Variants in CAMK1D observed in about 807,000 individuals in gnomAD.
The protein encoded by CAMK1D is calcium/calmodulin dependent protein kinase ID, also known as calcium/calmodulin-dependent protein kinase type 1D.
CAMK1D carries 9 observed loss-of-function variants against 47.7 expected under a neutral mutation model. The observed-to-expected ratio is 0.19, with a 90% CI of 0.11 to 0.33. The LOEUF (loss-of-function observed/expected upper bound fraction) is 0.33, where lower values mean the gene tolerates loss of function less well. Among genes scored for constraint, CAMK1D ranks in the 10% least tolerant of loss-of-function variants. The pLI is 1.00. For synonymous variants in CAMK1D, 184 were observed against 184.9 expected (o/e 0.99, Z 0.04); for missense variants, 291 against 488.7 (o/e 0.60, Z 3.81).
chr10:12,517,178 A>G (rs535482202), intron 1 of CAMK1D, among the ~76,000 whole-genome samples: 2 of 152,260 alleles, frequency 1.3e-5, no homozygotes, highest in Admixed American at 1.3e-4. Flanking sequence ...TTTTATTTCC[A>G]ATTGTTCATT....
intron 2 of CAMK1D, among the ~76,000 whole-genome samples, chr10:12,555,344 C>T (rs996444816): frequency 6.6e-6 from 1 of 152,202 alleles, no homozygotes; most frequent in African/African-American, 2.4e-5. Context: ...ACAGAAGAAG[C>T]TACAGCATGC....
intron 1 of CAMK1D, among the ~76,000 whole-genome samples, chr10:12,410,890 C>A (rs1164981737): frequency 6.6e-6 from 1 of 152,164 alleles, no homozygotes; most frequent in Middle Eastern, 3.2e-3. Context: ...ATTTCCAGTG[C>A]TCTTGGCTTT....
intron 1 of CAMK1D, among the ~76,000 whole-genome samples, chr10:12,499,068 G>GTTTT (rs1401750554): frequency 7.8e-6 from 1 of 127,908 alleles, no homozygotes; most frequent in African/African-American, 2.9e-5. Flanking sequence ...GTAAATTACA[G>GTTTT]CTTTTTTTTT....
At chr10:12,392,629 A>G (rs988658306) in intron 1 of CAMK1D, among the ~76,000 whole-genome samples, 2 of 152,218 alleles carry the variant, frequency 1.3e-5, no homozygotes, top group East Asian at 1.9e-4. Flanking sequence ...TAATATATGT[A>G]TTACTTAACA....
At chr10:12,380,793 T>C (rs1237055733) in intron 1 of CAMK1D, among the ~76,000 whole-genome samples, 1 of 152,130 alleles carries the variant, frequency 6.6e-6, no homozygotes, top group Non-Finnish European at 1.5e-5. Context: ...GAGGCGGAGA[T>C]TGCAGTGAGC....
intron 1 of CAMK1D, among the ~76,000 whole-genome samples, chr10:12,537,329 C>T (rs572787877): frequency 6.6e-6 from 1 of 152,348 alleles, no homozygotes; most frequent in African/African-American, 2.4e-5. Flanking sequence ...GCCTTGACCT[C>T]CCAAAGTGGT....
chr10:12,462,095 T>A (rs1272336514), intron 1 of CAMK1D, among the ~76,000 whole-genome samples: 2 of 152,054 alleles, frequency 1.3e-5, no homozygotes, highest in African/African-American at 4.8e-5. Context: ...CTGTTAATTT[T>A]ATGAAAATTC....
rs114866239 is a variant in CAMK1D, at chr10:12,406,919, G to A, written c.92+57009G>A. Among the ~76,000 whole-genome samples the A allele has an allele frequency of 4.7e-4, 72 of 151,984 alleles. 1 individual carries two copies. Among genetic ancestry groups the A allele is most frequent in the African/African-American group, 1.7e-3 (70 of 41,436 alleles). ...TCTCTGACCTTTTATAGAGGAGATC[G>A]AGGCCACCTAGGGTGACGTCACTGC... On this transcript the variant is annotated intron_variant, in intron 1 of 10. Coordinates refer to ENST00000619168, the MANE Select transcript of CAMK1D (RefSeq NM_153498.4).
At chr10:12,561,058 C>T (rs1285695942) in intron 2 of CAMK1D, among the ~76,000 whole-genome samples, 2 of 152,002 alleles carry the variant, frequency 1.3e-5, no homozygotes, top group African/African-American at 4.8e-5. Context: ...GGACTACAGG[C>T]GCCTGCCACC....
chr10:12,810,857 A>G (rs925389112), intron 6 of CAMK1D, among the ~76,000 whole-genome samples: 17 of 152,246 alleles, frequency 1.1e-4, no homozygotes, highest in African/African-American at 4.1e-4. Context: ...CTTTAAAAAG[A>G]GGGATGTGCA....
chr10:12,639,342 G>A (rs1218817170), intron 2 of CAMK1D, among the ~76,000 whole-genome samples: 3 of 152,128 alleles, frequency 2.0e-5, no homozygotes, highest in East Asian at 1.9e-4. Context: ...AAACTTAGCC[G>A]GGCATGGTGG....
intron 5 of CAMK1D, among the ~76,000 whole-genome samples, chr10:12,786,758 A>T (rs1345526710): frequency 2.0e-5 from 3 of 152,202 alleles, no homozygotes; most frequent in Non-Finnish European, 1.5e-5. Context: ...TGATGTCATA[A>T]ACTTTACCAT....
intron 1 of CAMK1D, among the ~76,000 whole-genome samples, chr10:12,419,640 G>GCACACACACACACACACACACA (rs111807347): frequency 6.8e-6 from 1 of 147,082 alleles, no homozygotes; most frequent in South Asian, 2.2e-4. Context: ...AAGAGAAAAT[G>GCACACACACACACACACACACA]CACACACACA....
intron 1 of CAMK1D, among the ~76,000 whole-genome samples, chr10:12,410,910 T>C (rs12774681): frequency 0.16 from 24,054 of 152,190 alleles, 2,146 homozygotes; most frequent in East Asian, 0.2. Context: ...TTCTTGACTT[T>C]GTACTAATTG....
intron 1 of CAMK1D, among the ~76,000 whole-genome samples, chr10:12,366,874 G>A (rs921546023): frequency 6.6e-6 from 1 of 152,062 alleles, no homozygotes; most frequent in African/African-American, 2.4e-5. Flanking sequence ...ATATAGGGGC[G>A]GCTTTATCCC....
chr10:12,681,196 C>T (rs111471908), intron 3 of CAMK1D, among the ~76,000 whole-genome samples: 1 of 152,246 alleles, frequency 6.6e-6, no homozygotes. Flanking sequence ...AGAGCTGCTA[C>T]GGCTCTATCA....
chr10:12,415,455 ATTTT>A (rs5783266), intron 1 of CAMK1D, among the ~76,000 whole-genome samples: 2 of 93,148 alleles, frequency 2.1e-5, no homozygotes, highest in Non-Finnish European at 4.2e-5. Context: ...CGCCTGGCTA[ATTTT>A]TTTTTTTTTT....
intron 1 of CAMK1D, among the ~76,000 whole-genome samples, chr10:12,407,437 C>T (rs1278243402): frequency 3.3e-5 from 5 of 152,256 alleles, no homozygotes; most frequent in South Asian, 4.1e-4. Context: ...TCTCTGGGAA[C>T]GCCCCCATGG....
At chr10:12,819,195 G>A (rs1832920632) in intron 8 of CAMK1D, among the ~76,000 whole-genome samples, 1 of 152,188 alleles carries the variant, frequency 6.6e-6, no homozygotes, top group Non-Finnish European at 1.5e-5. Flanking sequence ...GGCACAGAGG[G>A]CCCAGCAGGA....
Sources: gnomAD v4.1 joint callset for allele counts (sites outside exome capture counted in the v4.1 genomes callset) on GRCh38, gnomAD v4.1.1 for gene constraint, MANE v1.5 for transcripts, NCBI Gene and HGNC (gene_info 2026-07-23, HGNC 2026-07-21) for gene names.